PKIA: variants seen among roughly 807,000 people sequenced by gnomAD.
PKIA encodes the protein cAMP-dependent protein kinase inhibitor alpha.
Under a neutral mutation model 7.6 loss-of-function variants are expected in PKIA, and 4 were observed. That is an observed-to-expected ratio of 0.52 (90% CI 0.26 to 1.20). PKIA has a LOEUF of 1.20. Ranked by LOEUF, PKIA falls within the 50% of genes most tolerant of loss-of-function variation. The probability of loss-of-function intolerance (pLI) is 0.13; values close to 1 mark genes in which losing one functional copy is unlikely to be tolerated. For synonymous variants in PKIA, 21 were observed against 30.7 expected (o/e 0.68, Z 1.04); for missense variants, 73 against 86.2 (o/e 0.85, Z 0.61).
At position 78,602,937 on chromosome 8, in the gene PKIA, T is replaced by G. The variant is rs1488860354; in HGVS notation, c.*1116T>G. 1.3e-5 allele frequency: 2 copies of G among 152,342 alleles called. No individual in the cohort carries two copies. Among genetic ancestry groups the G allele is most frequent in the African/African-American group, 4.8e-5 (2 of 41,492 alleles). The allele number at this position is 152,342 out of a possible 1,614,324, so 9.4% of individuals were successfully genotyped here. A position where few individuals can be genotyped will look rare whatever the true frequency, so the allele number is the denominator to read the frequency against. On this transcript the variant is annotated 3_prime_UTR_variant, in exon 4 of 4. Coordinates refer to ENST00000396418, the MANE Select transcript of PKIA (RefSeq NM_006823.4). ...CAATCACAAAAGTAAAGCCCTGGTGTTGTGTTTTCATGTCTTTTTTCAGCC... is the reference window on the plus strand; with the variant it reads ...CAATCACAAAAGTAAAGCCCTGGTGGTGTGTTTTCATGTCTTTTTTCAGCC...
intron 2 of PKIA, among the ~76,000 whole-genome samples, chr8:78,576,736 T>C (rs1378162165): frequency 6.6e-6 from 1 of 152,020 alleles, no homozygotes; most frequent in East Asian, 1.9e-4. Context: ...ATTTTGTCTT[T>C]GACAGTGGCA....
chr8:78,590,283 T>TA (rs71304770), intron 2 of PKIA, among the ~76,000 whole-genome samples: 18,705 of 136,822 alleles, frequency 0.14, 1,328 homozygotes, highest in African/African-American at 0.2. Context: ...GTCTGATAGT[T>TA]AAAAAAAAAA....
intron 1 of PKIA, among the ~76,000 whole-genome samples, chr8:78,557,404 C>T (rs1013594515): frequency 3.3e-5 from 5 of 152,020 alleles, no homozygotes; most frequent in Non-Finnish European, 7.4e-5. Flanking sequence ...AATCAGGTTA[C>T]CAAAAAGAAT....
At chr8:78,572,540 C>A (rs886608192) in intron 1 of PKIA, among the ~76,000 whole-genome samples, 1 of 108,442 alleles carries the variant, frequency 9.2e-6, no homozygotes, top group East Asian at 2.4e-4. Context: ...AAAAGCTGCA[C>A]GCACACACAC....
rs1808412417 is a variant in PKIA, at chr8:78,603,851, G to T, written c.*2030G>T. ...AACCAGTGCTGAGTCTATGTGGAGGGTTTATATTCCTATGTGATATACTGT... is the reference window on the plus strand; with the variant it reads ...AACCAGTGCTGAGTCTATGTGGAGGTTTTATATTCCTATGTGATATACTGT... On this transcript the variant is annotated 3_prime_UTR_variant, in exon 4 of 4. Transcript: ENST00000396418. 1.3e-5 allele frequency: 2 copies of T among 151,882 alleles called. No individual in the cohort carries two copies. Among genetic ancestry groups the T allele is most frequent in the African/African-American group, 4.8e-5 (2 of 41,376 alleles). The allele number at this position is 151,882 out of a possible 1,614,324, so 9.4% of individuals were successfully genotyped here.
intron 1 of PKIA, among the ~76,000 whole-genome samples, chr8:78,570,449 C>T (rs755548598): frequency 6.6e-6 from 1 of 152,164 alleles, no homozygotes; most frequent in Non-Finnish European, 1.5e-5. Flanking sequence ...TCTTCTTTGG[C>T]TTATATTAAT....
At chr8:78,589,190 ATGACCTTGGT>A (rs1226532162) in intron 2 of PKIA, among the ~76,000 whole-genome samples, 5 of 152,178 alleles carry the variant, frequency 3.3e-5, no homozygotes, top group Non-Finnish European at 7.3e-5. Context: ...AAGATGAATG[ATGACCTTGGT>A]CTCCACAAAG....
chr8:78,563,196 C>T (rs1018364423), intron 1 of PKIA, among the ~76,000 whole-genome samples: 31 of 152,132 alleles, frequency 2.0e-4, no homozygotes, highest in Non-Finnish European at 4.0e-4. Flanking sequence ...AATTAGTGGT[C>T]ATCTGATCTT....
chr8:78,535,531 C>T (rs987511881), intron 1 of PKIA: 1 of 151,610 alleles, frequency 6.6e-6, no homozygotes. Flanking sequence ...CACATTTGAC[C>T]AAATCACTGC....
intron 1 of PKIA, among the ~76,000 whole-genome samples, chr8:78,559,264 C>T (rs1807227101): frequency 6.6e-6 from 1 of 152,064 alleles, no homozygotes; most frequent in Non-Finnish European, 1.5e-5. Context: ...TATATACTAC[C>T]GACTCTAGGA....
At chr8:78,578,542 T>C (rs1175975098) in intron 2 of PKIA, among the ~76,000 whole-genome samples, 3 of 3,820 alleles carry the variant, frequency 7.9e-4, no homozygotes, top group Non-Finnish European at 1.4e-3. Context: ...AAAAAATCAT[T>C]ATTTTTTTGT....
chr8:78,531,153 C>T (rs988374374), intron 1 of PKIA, among the ~76,000 whole-genome samples: 12 of 152,006 alleles, frequency 7.9e-5, no homozygotes, highest in African/African-American at 9.7e-5. Flanking sequence ...GAATTTTCAG[C>T]GGAGTTTTTA....
chr8:78,600,644 C>G (rs1462763803), intron 3 of PKIA, among the ~76,000 whole-genome samples: 2 of 152,126 alleles, frequency 1.3e-5, no homozygotes, highest in Non-Finnish European at 2.9e-5. Context: ...ATCTGCACAT[C>G]ATGCGAGCCT....
At chr8:78,592,698 A>G (rs1808130200) in intron 2 of PKIA, among the ~76,000 whole-genome samples, 2 of 152,220 alleles carry the variant, frequency 1.3e-5, no homozygotes, top group Admixed American at 1.3e-4. Context: ...TCATATAAGT[A>G]GAATTGCCAC....
At chr8:78,560,943 G>A (rs1424646640) in intron 1 of PKIA, among the ~76,000 whole-genome samples, 5 of 152,078 alleles carry the variant, frequency 3.3e-5, no homozygotes, top group Non-Finnish European at 7.4e-5. Context: ...TTTAATTCCA[G>A]AGCAAAGATC....
At chr8:78,538,612 G>A (rs1806595466) in intron 1 of PKIA, among the ~76,000 whole-genome samples, 2 of 151,926 alleles carry the variant, frequency 1.3e-5, no homozygotes, top group South Asian at 4.2e-4. Flanking sequence ...AGATCCTGAT[G>A]AAACTCTTCA....
intron 2 of PKIA, among the ~76,000 whole-genome samples, chr8:78,576,541 G>A (rs948232228): frequency 4.0e-5 from 6 of 151,890 alleles, no homozygotes; most frequent in Admixed American, 2.0e-4. Flanking sequence ...GCTGTCTAAC[G>A]TTGTATCCAT....
At chr8:78,595,370 G>A (rs1209420760) in intron 2 of PKIA, among the ~76,000 whole-genome samples, 1 of 152,118 alleles carries the variant, frequency 6.6e-6, no homozygotes, top group East Asian at 1.9e-4. Flanking sequence ...GCTGTGACGA[G>A]GGGAGAGAAT....
At chr8:78,594,262 G>A (rs1024922155) in intron 2 of PKIA, among the ~76,000 whole-genome samples, 10 of 152,012 alleles carry the variant, frequency 6.6e-5, no homozygotes, top group Admixed American at 1.3e-4. Context: ...ACTGTTACGG[G>A]TGGAGTAACA....
Sources: allele counts gnomAD v4.1 joint callset (sites outside exome capture counted in the v4.1 genomes callset), GRCh38; gene constraint gnomAD v4.1.1; transcripts MANE v1.5; gene names NCBI Gene and HGNC (gene_info 2026-07-23, HGNC 2026-07-21).